FRMD4A: variants seen among roughly 807,000 people sequenced by gnomAD.
The protein encoded by FRMD4A is FERM domain-containing protein 4A.
Under a neutral mutation model 129.1 loss-of-function variants are expected in FRMD4A, and 29 were observed. That is an observed-to-expected ratio of 0.22 (90% CI 0.17 to 0.31). The LOEUF (loss-of-function observed/expected upper bound fraction) is 0.31, where lower values mean the gene tolerates loss of function less well. FRMD4A is among the 10% of genes least tolerant of loss of function. FRMD4A has a pLI of 1.00. For missense variants in FRMD4A, 1,272 were observed against 1,375.8 expected, an observed-to-expected ratio of 0.92 and a Z score of 1.19; for synonymous variants, 634 against 571.6, an observed-to-expected ratio of 1.11 and a Z score of -1.56.
At chr10:14,124,359 A>G (rs1237717792) in intron 2 of FRMD4A, among the ~76,000 whole-genome samples, 1 of 152,158 alleles carries the variant, frequency 6.6e-6, no homozygotes, top group Non-Finnish European at 1.5e-5. Flanking sequence ...CCCATTTCAC[A>G]GATAAGCAAA....
intron 2 of FRMD4A, among the ~76,000 whole-genome samples, chr10:13,897,766 G>A (rs893417468): frequency 1.6e-4 from 24 of 151,766 alleles, no homozygotes; most frequent in African/African-American, 4.6e-4. Flanking sequence ...GTGAAACCCC[G>A]TCTCTGCTAA....
chr10:13,884,619 C>T (rs988221922), intron 2 of FRMD4A, among the ~76,000 whole-genome samples: 10 of 152,108 alleles, frequency 6.6e-5, no homozygotes, highest in South Asian at 2.1e-4. Context: ...TTCCCCCCAC[C>T]GACCTTCTCT....
At chr10:13,688,587 G>C (rs2085333752) in intron 15 of FRMD4A, among the ~76,000 whole-genome samples, 1 of 151,972 alleles carries the variant, frequency 6.6e-6, no homozygotes. Flanking sequence ...AAAGAATCTG[G>C]TGACGGATCT....
rs1254089266 is a variant in FRMD4A, at chr10:13,714,028, A to ATTT, written c.760-6916_760-6915insAAA. On this transcript the variant is annotated intron_variant, in intron 12 of 24. Coordinates refer to ENST00000357447, the MANE Select transcript of FRMD4A (RefSeq NM_018027.5). ...TATAATATACATATATAAAATATACATATATATATATATATATATATATAT... is the reference window on the plus strand; with the variant it reads ...TATAATATACATATATAAAATATACATTTTATATATATATATATATATATATAT... 2.4e-4 allele frequency among the ~76,000 whole-genome samples: 11 copies of ATTT among 46,778 alleles called. 2 individuals carry two copies. The highest frequency in any genetic ancestry group is 8.6e-4 in the South Asian group (1 of 1,162). The allele number at this position is 46,778 out of a possible 152,430, so 30.7% of individuals were successfully genotyped here.
At chr10:13,777,206 A>C (rs2092616004) in intron 6 of FRMD4A, among the ~76,000 whole-genome samples, 1 of 152,220 alleles carries the variant, frequency 6.6e-6, no homozygotes, top group Non-Finnish European at 1.5e-5. Context: ...CAGGTTACAC[A>C]GGCTATCCAG....
At chr10:13,881,063 T>C (rs1402993599) in intron 2 of FRMD4A, among the ~76,000 whole-genome samples, 1 of 152,104 alleles carries the variant, frequency 6.6e-6, no homozygotes, top group African/African-American at 2.4e-5. Context: ...AATGAACTTG[T>C]GGCACTCAAA....
chr10:14,315,149 A>G (rs746126718), intron 2 of FRMD4A, among the ~76,000 whole-genome samples: 3 of 151,680 alleles, frequency 2.0e-5, no homozygotes, highest in Non-Finnish European at 4.4e-5. Context: ...TCAATGCCTC[A>G]TCCATGGATC....
chr10:14,126,488 T>C (rs1838848622), intron 2 of FRMD4A, among the ~76,000 whole-genome samples: 1 of 152,114 alleles, frequency 6.6e-6, no homozygotes, highest in Admixed American at 6.5e-5. Flanking sequence ...CACTTTTACC[T>C]ACTCAGTTTC....
intron 2 of FRMD4A, among the ~76,000 whole-genome samples, chr10:14,174,782 A>C (rs1396976446): frequency 6.6e-6 from 1 of 152,140 alleles, no homozygotes; most frequent in African/African-American, 2.4e-5. Context: ...GTTTAGAGGC[A>C]CATAACTGTA....
At chr10:14,281,428 G>C (rs530670389) in intron 2 of FRMD4A, among the ~76,000 whole-genome samples, 12 of 152,238 alleles carry the variant, frequency 7.9e-5, no homozygotes, top group Non-Finnish European at 1.5e-4. Context: ...AAGGATCAAG[G>C]CCTTGGAAGA....
At position 14,078,395 on chromosome 10, in the gene FRMD4A, G is replaced by A. The variant is rs144883845; in HGVS notation, c.46-219483C>T. ...GCTCAAGGCTATTGGGAAATCTTCCGACTTGTGTCAAATCTAACATTTGTC... is the reference window on the plus strand; with the variant it reads ...GCTCAAGGCTATTGGGAAATCTTCCAACTTGTGTCAAATCTAACATTTGTC... On this transcript the variant is annotated intron_variant, in intron 2 of 24. Transcript: ENST00000357447. Among the ~76,000 whole-genome samples, 396 of 152,310 alleles carry A rather than the reference G, an allele frequency of 2.6e-3. 5 individuals are homozygous for A. The highest frequency in any genetic ancestry group is 6.8e-3 in the Middle Eastern group (2 of 294).
intron 2 of FRMD4A, among the ~76,000 whole-genome samples, chr10:14,160,266 C>T (rs944594243): frequency 2.0e-5 from 3 of 152,114 alleles, no homozygotes; most frequent in African/African-American, 7.2e-5. Context: ...TACCCTCTCT[C>T]TCACCATATT....
rs536622728 is a variant in FRMD4A, at chr10:13,969,652, A to C, written c.46-110740T>G. Reference sequence around the variant, plus strand: ...GATCACTTGAGGACAGGAGTTCAAGACTAGCCTGGCCAACGTAGTGAGACC... The same window carrying C: ...GATCACTTGAGGACAGGAGTTCAAGCCTAGCCTGGCCAACGTAGTGAGACC... On this transcript the variant is annotated intron_variant, in intron 2 of 24. Coordinates refer to ENST00000357447, the MANE Select transcript of FRMD4A (RefSeq NM_018027.5). 4.6e-5 allele frequency among the ~76,000 whole-genome samples: 7 copies of C among 152,274 alleles called. No homozygotes were observed. In the South Asian group the frequency reaches 1.5e-3, roughly 32 times the overall value.
chr10:14,142,457 T>C (rs558225225), intron 2 of FRMD4A, among the ~76,000 whole-genome samples: 1 of 152,356 alleles, frequency 6.6e-6, no homozygotes, highest in South Asian at 2.1e-4. Context: ...ATTCATCATA[T>C]GCCCTAAGAG....
intron 5 of FRMD4A, among the ~76,000 whole-genome samples, chr10:13,792,270 C>A (rs1279319284): frequency 1.3e-5 from 2 of 152,172 alleles, no homozygotes; most frequent in Non-Finnish European, 2.9e-5. Flanking sequence ...GCGTGGGTCA[C>A]AAAGAGGGCT....
At chr10:13,890,431 C>A (rs1589178371) in intron 2 of FRMD4A, 1 of 669,218 alleles carries the variant, frequency 1.5e-6, no homozygotes, top group Non-Finnish European at 1.8e-6. Flanking sequence ...GCTCTCTGAG[C>A]GGTGCTTTCC....
Position 13,714,323 on chromosome 10 carries a change from A to T in FRMD4A, c.760-7210T>A, listed in dbSNP as rs115804429. 9.2e-3 allele frequency among the ~76,000 whole-genome samples: 1,386 copies of T among 151,430 alleles called. 16 individuals carry two copies. Among genetic ancestry groups the T allele is most frequent in the African/African-American group, 0.032 (1,314 of 41,296 alleles). On this transcript the variant is annotated intron_variant, in intron 12 of 24. Coordinates refer to ENST00000357447, the MANE Select transcript of FRMD4A (RefSeq NM_018027.5). ...GGTGATCCACTCGCCTTGGCTTCCTAAAGTGCTAGGATTATAGGTGTGAGC... is the reference window on the plus strand; with the variant it reads ...GGTGATCCACTCGCCTTGGCTTCCTTAAGTGCTAGGATTATAGGTGTGAGC...
intron 3 of FRMD4A, among the ~76,000 whole-genome samples, chr10:13,843,848 C>A (rs2094005758): frequency 6.6e-6 from 1 of 152,140 alleles, no homozygotes; most frequent in African/African-American, 2.4e-5. Flanking sequence ...GCCTGGGCTG[C>A]TGGGGCATCC....
intron 2 of FRMD4A, among the ~76,000 whole-genome samples, chr10:14,261,788 G>GT (rs1309196877): frequency 6.6e-6 from 1 of 152,006 alleles, no homozygotes; most frequent in Non-Finnish European, 1.5e-5. Flanking sequence ...AGGAGGGATC[G>GT]TTTTTTCCTC....
Sources: gnomAD v4.1 joint callset for allele counts (sites outside exome capture counted in the v4.1 genomes callset) on GRCh38, gnomAD v4.1.1 for gene constraint, MANE v1.5 for transcripts, NCBI Gene and HGNC (gene_info 2026-07-23, HGNC 2026-07-21) for gene names.